FAM217B: variants seen among roughly 807,000 people sequenced by gnomAD.
FAM217B encodes protein FAM217B.
For missense variants in FAM217B, 463 were observed against 456.9 expected (o/e 1.01, Z -0.12); for synonymous variants, 163 against 173.0 (o/e 0.94, Z 0.45).
chr20:59,935,119 TAAG>T (rs2060851750), intron 1 of FAM217B, among the ~76,000 whole-genome samples: 1 of 152,244 alleles, frequency 6.6e-6, no homozygotes, highest in South Asian at 2.1e-4. Context: ...ACACAAAATG[TAAG>T]AAGATCGAAG....
At chr20:59,937,395 A>G (rs1454314843), upstream of FAM217B, 2 of 152,688 alleles carry the variant, frequency 1.3e-5, no homozygotes, top group Non-Finnish European at 2.9e-5. Flanking sequence ...TTTAGTCACA[A>G]TATTTCAAGC....
chr20:59,939,560 G>T, upstream of FAM217B: 1 of 1,611,520 alleles, frequency 6.2e-7, no homozygotes, highest in Non-Finnish European at 8.5e-7. Flanking sequence ...GCACGGACGG[G>T]TCGTCTCCCG....
chr20:59,936,050 T>C (rs960317576), upstream of FAM217B, among the ~76,000 whole-genome samples: 3 of 152,220 alleles, frequency 2.0e-5, no homozygotes, highest in Admixed American at 6.5e-5. Flanking sequence ...AAAACCTAGA[T>C]GGTATAGCCT....
rs747937565 is a variant in FAM217B, at chr20:59,946,207, C to T, written c.*1112C>T. 1.2e-5 allele frequency: 2 copies of T among 167,062 alleles called. No homozygotes were observed. The highest frequency in any genetic ancestry group is 2.9e-5 in the Non-Finnish European group (2 of 68,116). The allele number at this position is 167,062 out of a possible 1,614,324, so 10.3% of individuals were successfully genotyped here. On this transcript the variant is annotated 3_prime_UTR_variant, in exon 4 of 4. Transcript: ENST00000360816. Reference sequence around the variant, plus strand: ...TGGTCTTCAGGCTTCCCAACTCTCTCCAAGCCTTCTTATTTCACTGCAGTT... The same window carrying T: ...TGGTCTTCAGGCTTCCCAACTCTCTTCAAGCCTTCTTATTTCACTGCAGTT...
chr20:59,940,817 A>C (rs960895634), intron 1 of FAM217B, among the ~76,000 whole-genome samples: 7 of 152,138 alleles, frequency 4.6e-5, no homozygotes, highest in Admixed American at 6.5e-5. Context: ...TCATGTCCAC[A>C]TCACCCAGAA....
chr20:59,939,624 A>T, upstream of FAM217B: 1 of 1,586,280 alleles, frequency 6.3e-7, no homozygotes, highest in South Asian at 1.1e-5. Flanking sequence ...GGCGAAGCGC[A>T]CGCGGAGCTT....
Position 59,947,396 on chromosome 20 carries a change from C to T in FAM217B, c.*2301C>T, listed in dbSNP as rs962532618. On this transcript the variant is annotated 3_prime_UTR_variant, in exon 4 of 4. Transcript: ENST00000360816. Reference sequence around the variant, plus strand: ...TGGTGCATGCCTGTAATCCCAGCTACTCGGAAGTTTGAGACGAGAATCTCT... The same window carrying T: ...TGGTGCATGCCTGTAATCCCAGCTATTCGGAAGTTTGAGACGAGAATCTCT... The T allele has an allele frequency of 2.6e-5, 4 of 153,814 alleles. No individual in the cohort carries two copies. Among genetic ancestry groups the T allele is most frequent in the African/African-American group, 9.7e-5 (4 of 41,410 alleles). The allele number at this position is 153,814 out of a possible 1,614,324, so 9.5% of individuals were successfully genotyped here. A position where few individuals can be genotyped will look rare whatever the true frequency, so the allele number is the denominator to read the frequency against.
At chr20:59,934,380 C>G (rs901782462) in intron 1 of FAM217B, among the ~76,000 whole-genome samples, 1 of 152,228 alleles carries the variant, frequency 6.6e-6, no homozygotes, top group African/African-American at 2.4e-5. Flanking sequence ...GGCACAGCCG[C>G]GAAAGGGTCT....
chr20:59,936,757 A>G (rs2060864828), upstream of FAM217B: 1 of 152,250 alleles, frequency 6.6e-6, no homozygotes, highest in Non-Finnish European at 1.5e-5. Flanking sequence ...TTTAGACAAG[A>G]AGTTTCTAAA....
upstream of FAM217B, chr20:59,939,767 T>A: frequency 1.6e-6 from 2 of 1,222,344 alleles, no homozygotes; most frequent in Non-Finnish European, 2.0e-6. Context: ...CCGACGGCGC[T>A]GGCGTTGGCG....
chr20:59,942,648 A>G (rs1161715693), intron 3 of FAM217B, 136 bp downstream of exon 3: 4 of 152,220 alleles, frequency 2.6e-5, no homozygotes, highest in Non-Finnish European at 4.4e-5. Flanking sequence ...TCTAGCAGAA[A>G]TGAATAGAAA....
chr20:59,942,701 A>T (rs1317415461), intron 3 of FAM217B, among the ~76,000 whole-genome samples, 189 bp downstream of exon 3: 1 of 152,196 alleles, frequency 6.6e-6, no homozygotes, highest in Non-Finnish European at 1.5e-5. Context: ...CAACGGTCAT[A>T]ATTCTGGCAG....
rs1466727629 is a variant in FAM217B at position 59,944,903 on chromosome 20, C to T, written c.960C>T (p.Ser320=). ...GAAGCAGCTCTAAGGTGGAAACCAG[C>T]GGTCACATTCGAGTTCCCAAACAGG... ...GSGSSSKVET[S]GHIRVPKQAA... The change falls in exon 4 of 4, where the codon AGC becomes AGT. Residue 320 remains serine, a synonymous_variant. Coordinates refer to ENST00000360816, the MANE Select transcript of FAM217B (RefSeq NM_022106.3). 10 of 1,614,182 alleles carry T rather than the reference C, an allele frequency of 6.2e-6. No individual in the cohort carries two copies. The highest frequency in any genetic ancestry group is 5.5e-5 in the South Asian group (5 of 91,082).
upstream of FAM217B, chr20:59,939,267 C>G (rs1372663034): frequency 6.2e-7 from 1 of 1,612,100 alleles, no homozygotes; most frequent in Non-Finnish European, 8.5e-7. Context: ...CCCGCGCCAC[C>G]GCGCCACCGC....
upstream of FAM217B, chr20:59,937,851 G>T (rs2060871695): frequency 6.6e-6 from 1 of 152,404 alleles, no homozygotes; most frequent in African/African-American, 2.4e-5. Context: ...TTTTAAAACT[G>T]ACAAACTAGA....
chr20:59,936,776 T>G (rs1479192127), upstream of FAM217B: 1 of 152,222 alleles, frequency 6.6e-6, no homozygotes, highest in Admixed American at 6.5e-5. Flanking sequence ...AAGCTTGGTC[T>G]TCTGTAATTA....
chr20:59,939,218 G>T (rs1268005078), upstream of FAM217B: 4 of 1,610,770 alleles, frequency 2.5e-6, no homozygotes, highest in Non-Finnish European at 2.5e-6. Context: ...CTGGAAAGCC[G>T]AAGGTGAAAA....
At chr20:59,940,043 C>CG (rs1257758803), upstream of FAM217B, 7 of 938,378 alleles carry the variant, frequency 7.5e-6, no homozygotes, top group South Asian at 2.9e-4. Context: ...CTGCAACCTG[C>CG]GGGGGACCTC....
At chr20:59,939,115 G>T (rs17854471), upstream of FAM217B, 1 of 1,603,964 alleles carries the variant, frequency 6.2e-7, no homozygotes, top group Admixed American at 1.7e-5. Context: ...CTGTAGTCTC[G>T]GTGGTCGTTG....
Sources: gnomAD v4.1 joint callset for allele counts (sites outside exome capture counted in the v4.1 genomes callset) on GRCh38, gnomAD v4.1.1 for gene constraint, MANE v1.5 for transcripts, NCBI Gene and HGNC (gene_info 2026-07-23, HGNC 2026-07-21) for gene names.